Variants in CTNNA2 observed in about 807,000 individuals in gnomAD.
The protein encoded by CTNNA2 is catenin alpha-2.
In CTNNA2, 42 loss-of-function variants were observed where a neutral mutation model predicts 101.0. The observed-to-expected ratio is 0.42, with a 90% CI of 0.32 to 0.54. CTNNA2 has a LOEUF of 0.54. Among genes scored for constraint, CTNNA2 ranks in the 20% least tolerant of loss-of-function variants. The pLI is 0.14. For synonymous variants in CTNNA2, 450 were observed against 456.4 expected (o/e 0.99, Z 0.18); for missense variants, 871 against 1,223.1 (o/e 0.71, Z 4.29).
At chr2:79,281,861 A>G (rs957791465) in intron 2 of CTNNA2, among the ~76,000 whole-genome samples, 4 of 152,216 alleles carry the variant, frequency 2.6e-5, no homozygotes, top group African/African-American at 4.8e-5. Context: ...TAGTTTTTAG[A>G]GTAGAGATGC....
At chr2:80,372,834 C>G (rs10184863) in intron 7 of CTNNA2, among the ~76,000 whole-genome samples, 9,640 of 152,206 alleles carry the variant, frequency 0.063, 373 homozygotes, top group Non-Finnish European at 0.09. Flanking sequence ...TTTGCTCCCC[C>G]CTTCCCCAGG....
chr2:79,532,607 G>A (rs952481726), intron 1 of CTNNA2, among the ~76,000 whole-genome samples: 20 of 151,890 alleles, frequency 1.3e-4, no homozygotes, highest in South Asian at 2.1e-4. Flanking sequence ...TGTTTTTCTC[G>A]CTGATGTATT....
intron 2 of CTNNA2, among the ~76,000 whole-genome samples, chr2:79,257,316 G>A (rs1310155590): frequency 2.6e-5 from 4 of 151,822 alleles, no homozygotes; most frequent in African/African-American, 4.8e-5. Context: ...CCAGAAAACA[G>A]AGAACTGAAA....
intron 7 of CTNNA2, among the ~76,000 whole-genome samples, chr2:80,168,972 C>T (rs181235043): frequency 1.9e-4 from 29 of 152,262 alleles, no homozygotes; most frequent in Admixed American, 1.2e-3. Flanking sequence ...CTAAGCCATG[C>T]GATTTAGAGG....
At chr2:80,047,702 C>T (rs539761597) in intron 7 of CTNNA2, among the ~76,000 whole-genome samples, 16 of 152,234 alleles carry the variant, frequency 1.1e-4, no homozygotes, top group Admixed American at 9.8e-4. Context: ...CAAAGATAAG[C>T]AGATTTGCTA....
At chr2:80,186,775 T>C (rs564196725) in intron 7 of CTNNA2, among the ~76,000 whole-genome samples, 1 of 152,234 alleles carries the variant, frequency 6.6e-6, no homozygotes, top group African/African-American at 2.4e-5. Context: ...TCTATGTTTA[T>C]GTATTTTTGT....
intron 9 of CTNNA2, among the ~76,000 whole-genome samples, chr2:80,512,310 C>A (rs536236217): frequency 5.2e-4 from 79 of 151,910 alleles, no homozygotes; most frequent in Middle Eastern, 3.4e-3. Flanking sequence ...TTCATAATAG[C>A]AAAGAAAAGG....
intron 3 of CTNNA2, among the ~76,000 whole-genome samples, chr2:79,350,583 G>T (rs1248268730): frequency 6.6e-6 from 1 of 152,112 alleles, no homozygotes; most frequent in African/African-American, 2.4e-5. Flanking sequence ...TGTGAATAGT[G>T]CTGTGATCAA....
rs117603809 is a variant in CTNNA2, at chr2:80,384,151, G to A, written c.1057-9060G>A. ...GGACACAAAGAGGGGAACAACAGAC[G>A]TTGAGGTCTACTTGAGGGTGGAGGG... On this transcript the variant is annotated intron_variant, in intron 7 of 18. Transcript: ENST00000402739. Among the ~76,000 whole-genome samples, 1,449 of 152,216 alleles carry A rather than the reference G, an allele frequency of 9.5e-3. 55 individuals carry two copies. Among genetic ancestry groups the A allele is most frequent in the East Asian group, 0.088 (454 of 5,172 alleles).
chr2:80,385,143 T>G (rs1274746042), intron 7 of CTNNA2, among the ~76,000 whole-genome samples: 1 of 152,214 alleles, frequency 6.6e-6, no homozygotes, highest in East Asian at 1.9e-4. Context: ...GTGTTTTATA[T>G]ACTAAATGCT....
In CTNNA2 at chr2:79,930,312, G is replaced by GAAAGAAAGAAAGAAAGAA. The variant is rs1553406908; in HGVS notation, c.1056+20517_1056+20534dup. Reference sequence around the variant, plus strand: ...AGAGAAAGAGAAAGAAAGAAAGAAAGAAAGAAAGAAAGAAAGAAAGAAAGA... The same window carrying GAAAGAAAGAAAGAAAGAA: ...AGAGAAAGAGAAAGAAAGAAAGAAAGAAAGAAAGAAAGAAAGAAAAAGAAAGAAAGAAAGAAAGAAAGA... On this transcript the variant is annotated intron_variant, in intron 7 of 18. Transcript: ENST00000402739. Among the ~76,000 whole-genome samples the GAAAGAAAGAAAGAAAGAA allele has an allele frequency of 5.7e-5, 7 of 123,366 alleles. 1 individual carries two copies. Among genetic ancestry groups the GAAAGAAAGAAAGAAAGAA allele is most frequent in the African/African-American group, 2.4e-4 (7 of 29,700 alleles). The allele number at this position is 123,366 out of a possible 152,430, so 80.9% of individuals were successfully genotyped here. A position where few individuals can be genotyped will look rare whatever the true frequency, so the allele number is the denominator to read the frequency against.
chr2:80,093,338 C>A (rs1229683349), intron 7 of CTNNA2, among the ~76,000 whole-genome samples: 2 of 152,102 alleles, frequency 1.3e-5, no homozygotes, highest in East Asian at 3.9e-4. Flanking sequence ...ATGAACTCAT[C>A]ATTTTTTATG....
intron 7 of CTNNA2, among the ~76,000 whole-genome samples, chr2:80,017,938 C>T (rs1323710441): frequency 6.6e-6 from 1 of 150,894 alleles, no homozygotes; most frequent in Non-Finnish European, 1.5e-5. Flanking sequence ...TCCTTGCCTA[C>T]ACTACTATGT....
At chr2:80,006,287 A>G (rs1246283947) in intron 7 of CTNNA2, among the ~76,000 whole-genome samples, 2 of 151,900 alleles carry the variant, frequency 1.3e-5, no homozygotes. Flanking sequence ...TATCAGTCAT[A>G]ATAATATTTA....
At chr2:80,629,298 TGAG>T (rs1034447714) in intron 18 of CTNNA2, among the ~76,000 whole-genome samples, 19 of 152,180 alleles carry the variant, frequency 1.2e-4, no homozygotes, top group African/African-American at 4.6e-4. Flanking sequence ...TGGGAGTCCT[TGAG>T]GAATCACCGA....
At chr2:80,621,609 T>TA (rs972198612) in intron 18 of CTNNA2, among the ~76,000 whole-genome samples, 12 of 152,076 alleles carry the variant, frequency 7.9e-5, no homozygotes, top group Admixed American at 4.6e-4. Flanking sequence ...ATTGGGGATG[T>TA]AAAAAACATT....
chr2:80,395,229 G>A (rs965761469), intron 8 of CTNNA2, among the ~76,000 whole-genome samples: 27 of 152,158 alleles, frequency 1.8e-4, no homozygotes, highest in African/African-American at 6.3e-4. Context: ...TGGAAGGAGT[G>A]TGTCCTTCCC....
intron 7 of CTNNA2, among the ~76,000 whole-genome samples, chr2:80,310,038 A>C (rs978500806): frequency 6.6e-6 from 1 of 152,238 alleles, no homozygotes; most frequent in East Asian, 1.9e-4. Flanking sequence ...TCAAATCTGC[A>C]TTTAACCATT....
intron 2 of CTNNA2, among the ~76,000 whole-genome samples, chr2:79,210,221 T>C (rs1674154423): frequency 1.3e-5 from 2 of 152,006 alleles, no homozygotes; most frequent in Admixed American, 1.3e-4. Flanking sequence ...GGTGCCCAAA[T>C]AGTATTTGAA....
Sources: gnomAD v4.1 joint callset for allele counts (sites outside exome capture counted in the v4.1 genomes callset) on GRCh38, gnomAD v4.1.1 for gene constraint, MANE v1.5 for transcripts, NCBI Gene and HGNC (gene_info 2026-07-23, HGNC 2026-07-21) for gene names.